NLGN1: variants seen among roughly 807,000 people sequenced by gnomAD.
The protein encoded by NLGN1 is neuroligin-1.
NLGN1 carries 12 observed loss-of-function variants against 65.5 expected under a neutral mutation model. That is an observed-to-expected ratio of 0.18 (90% CI 0.12 to 0.30). NLGN1 has a LOEUF of 0.30. Ranked by LOEUF, NLGN1 falls within the 10% of genes least tolerant of loss-of-function variation. The probability of loss-of-function intolerance (pLI) is 1.00; values close to 1 mark genes in which losing one functional copy is unlikely to be tolerated. For synonymous variants in NLGN1, 350 were observed against 359.5 expected (o/e 0.97, Z 0.30); for missense variants, 750 against 1,007.1 (o/e 0.74, Z 3.46).
intron 4 of NLGN1, among the ~76,000 whole-genome samples, chr3:174,186,821 G>T (rs1206840256): frequency 6.6e-6 from 1 of 151,898 alleles, no homozygotes; most frequent in Non-Finnish European, 1.5e-5. Context: ...GCATGAACCT[G>T]ACCTCCAAGA....
chr3:173,564,702 A>T (rs951396563), intron 2 of NLGN1, among the ~76,000 whole-genome samples: 2 of 152,238 alleles, frequency 1.3e-5, no homozygotes, highest in African/African-American at 2.4e-5. Context: ...CCACTGAATC[A>T]TGTTGGACAT....
At chr3:173,675,989 G>A (rs1336021462) in intron 3 of NLGN1, among the ~76,000 whole-genome samples, 1 of 151,084 alleles carries the variant, frequency 6.6e-6, no homozygotes, top group Non-Finnish European at 1.5e-5. Flanking sequence ...TAATATGCTG[G>A]TTATGATATT....
intron 3 of NLGN1, among the ~76,000 whole-genome samples, chr3:173,683,432 T>G (rs35926539): frequency 2.7e-3 from 417 of 152,274 alleles, no homozygotes; most frequent in Non-Finnish European, 4.5e-3. Flanking sequence ...AGCCTGTCAC[T>G]ACTGAGGATA....
intron 4 of NLGN1, among the ~76,000 whole-genome samples, chr3:173,996,697 C>G (rs948520806): frequency 6.6e-6 from 1 of 152,060 alleles, no homozygotes. Context: ...ATAATTTTTA[C>G]CTTTGTTCTG....
rs1432636938 is a variant in NLGN1 at position 173,518,438 on chromosome 3, TGTAG to T, written c.-321+83364_-321+83367del. On this transcript the variant is annotated intron_variant, in intron 2 of 6. Transcript: ENST00000457714. ...GTTACATTTACTGTAACTAATTATA[TGTAG>T]GTATGTGTATACATAGTTATAGTTA... 2.0e-5 allele frequency among the ~76,000 whole-genome samples: 3 copies of T among 150,996 alleles called. No homozygotes were observed. The East Asian group carries it at 5.8e-4, about 29-fold the overall frequency.
At position 174,269,157 on chromosome 3, in the gene NLGN1, A is replaced by AT. The variant is rs555799157; in HGVS notation, c.647-6151dup. Among the ~76,000 whole-genome samples, 18 of 151,938 alleles carry AT rather than the reference A, an allele frequency of 1.2e-4. 1 individual carries two copies. In the South Asian group the frequency reaches 3.3e-3, roughly 28 times the overall value. The stretch of plus-strand genomic sequence containing the variant: ...GAACACAAGTTGTCCAATTTGGAGA[A>AT]TTTTTTTATTATTATAGTAAAAAAA... On this transcript the variant is annotated intron_variant, in intron 4 of 6. Coordinates refer to ENST00000457714, the Ensembl canonical transcript of NLGN1.
intron 2 of NLGN1, among the ~76,000 whole-genome samples, chr3:173,574,701 A>G (rs548245417): frequency 8.5e-5 from 13 of 152,324 alleles, no homozygotes; most frequent in South Asian, 6.2e-4. Context: ...ATAACATGAG[A>G]GAACATATAT....
At chr3:173,675,883 TCTCTCACACA>T (rs1162604590) in intron 3 of NLGN1, among the ~76,000 whole-genome samples, 1 of 132,776 alleles carries the variant, frequency 7.5e-6, no homozygotes, top group Admixed American at 7.4e-5. Flanking sequence ...TCTCTCTCTC[TCTCTCACACA>T]CACACACACA....
intron 4 of NLGN1, among the ~76,000 whole-genome samples, chr3:174,195,595 G>A (rs1047712676): frequency 3.3e-5 from 5 of 152,120 alleles, no homozygotes; most frequent in Non-Finnish European, 5.9e-5. Flanking sequence ...ATCTCTCTAG[G>A]GGCCAAATTC....
At chr3:173,763,953 C>T (rs1483072470) in intron 3 of NLGN1, among the ~76,000 whole-genome samples, 2 of 152,106 alleles carry the variant, frequency 1.3e-5, no homozygotes, top group East Asian at 3.9e-4. Flanking sequence ...CAAACATTTT[C>T]CATAAAATCT....
chr3:174,279,064 G>C lies in NLGN1; in HGVS notation c.1063G>C (p.Ala355Pro), dbSNP rs917365372. 4 of 1,612,884 alleles carry C rather than the reference G, an allele frequency of 2.5e-6. No individual in the cohort carries two copies. In the African/African-American group the frequency reaches 5.3e-5, roughly 22 times the overall value. The change falls in exon 6 of 7, where the codon GCC becomes CCC. Residue 355 changes from alanine to proline, a missense_variant. Ala to Pro is a conservative substitution (Grantham distance 27). Transcript: ENST00000457714. This position sits in a 1 kb window ranked among gnomAD's most constrained non-coding sequence, Gnocchi z 4.7. ...TATTCAACCAGCTCGATACCACATA[G>C]CCTTTGGACCTGTGATTGATGGTGA...
At chr3:173,503,577 GT>G (rs1418781749) in intron 2 of NLGN1, among the ~76,000 whole-genome samples, 2 of 152,004 alleles carry the variant, frequency 1.3e-5, no homozygotes, top group Non-Finnish European at 2.9e-5. Flanking sequence ...TAAATTATTT[GT>G]TTTTCACTTA....
intron 4 of NLGN1, among the ~76,000 whole-genome samples, chr3:173,999,280 A>T (rs1174401302): frequency 6.6e-6 from 1 of 152,250 alleles, no homozygotes; most frequent in Middle Eastern, 3.4e-3. Context: ...ACACAAGAAC[A>T]ATTTGCCCCA....
At chr3:174,007,793 A>G (rs539595581) in intron 4 of NLGN1, among the ~76,000 whole-genome samples, 4 of 152,314 alleles carry the variant, frequency 2.6e-5, no homozygotes, top group East Asian at 1.9e-4. Context: ...CTGAACATGC[A>G]GTTAGAATTA....
chr3:174,093,249 A>C (rs1157327456), intron 4 of NLGN1, among the ~76,000 whole-genome samples: 6 of 152,224 alleles, frequency 3.9e-5, no homozygotes, highest in Admixed American at 2.0e-4. Flanking sequence ...GAATTAAGAT[A>C]TCTATCTGAA....
intron 4 of NLGN1, among the ~76,000 whole-genome samples, chr3:174,148,818 T>A (rs751414369): frequency 6.6e-6 from 1 of 152,196 alleles, no homozygotes; most frequent in Non-Finnish European, 1.5e-5. Flanking sequence ...ATGTGCATGA[T>A]ACAGTGGTAA....
chr3:173,553,504 A>C (rs1015242941), intron 2 of NLGN1, among the ~76,000 whole-genome samples: 2 of 152,194 alleles, frequency 1.3e-5, no homozygotes, highest in Non-Finnish European at 2.9e-5. Flanking sequence ...TCCTTTCTTC[A>C]AGCCGAGGTT....
intron 3 of NLGN1, among the ~76,000 whole-genome samples, chr3:173,747,803 T>TC (rs1203535592): frequency 0.11 from 4,784 of 45,142 alleles, 186 homozygotes; most frequent in East Asian, 0.25. Flanking sequence ...TTCTTGTTCT[T>TC]TTTTTTTTTT....
chr3:173,687,769 A>G (rs1422576218), intron 3 of NLGN1, among the ~76,000 whole-genome samples: 1 of 152,214 alleles, frequency 6.6e-6, no homozygotes, highest in Non-Finnish European at 1.5e-5. Flanking sequence ...TCTTCACTCT[A>G]CAGGAATGTT....
Sources: gnomAD v4.1 joint callset for allele counts (sites outside exome capture counted in the v4.1 genomes callset) on GRCh38, gnomAD v4.1.1 for gene constraint, Gnocchi (gnomAD v3.1) non-coding constraint, MANE v1.5 for transcripts, NCBI Gene and HGNC (gene_info 2026-07-23, HGNC 2026-07-21) for gene names.